Variants in KIAA1671 observed in about 807,000 individuals in gnomAD.
KIAA1671 encodes the protein uncharacterized protein KIAA1671.
A neutral mutation model predicts 131.2 loss-of-function variants in KIAA1671; 52 were observed. The observed-to-expected ratio is 0.40, with a 90% CI of 0.32 to 0.50. The LOEUF is 0.50. Ranked by LOEUF, KIAA1671 falls within the 20% of genes least tolerant of loss-of-function variation. The pLI is 0.73. For missense variants in KIAA1671, 2,360 were observed against 2,364.2 expected (o/e 1.00, Z 0.04); for synonymous variants, 1,003 against 961.6 (o/e 1.04, Z -0.80).
intron 6 of KIAA1671, chr22:25,063,907 A>G (rs1446847897): frequency 6.6e-6 from 1 of 152,158 alleles, no homozygotes; most frequent in East Asian, 1.9e-4. Context: ...TCCCATGACT[A>G]TCTTGTGACC....
intron 6 of KIAA1671, among the ~76,000 whole-genome samples, chr22:25,088,293 A>C (rs955652303): frequency 6.6e-6 from 1 of 152,044 alleles, no homozygotes; most frequent in African/African-American, 2.4e-5. Context: ...TTCTTAGTAG[A>C]GACAGGTTTC....
chr22:25,088,430 CACTT>C (rs1329067486), intron 6 of KIAA1671, among the ~76,000 whole-genome samples: 1 of 152,116 alleles, frequency 6.6e-6, no homozygotes, highest in Admixed American at 6.5e-5. Flanking sequence ...ATTCCTCAAA[CACTT>C]ACTGAGTACC....
chr22:25,041,386 G>T lies in KIAA1671; in HGVS notation c.4256G>T (p.Arg1419Leu), dbSNP rs1301717506. ...YSEKGPPANI[R>L]EGLSIMHEAR... is the part of the protein sequence containing the mutation. ...GAGAAGGGGCCCCCTGCCAACATCC[G>T]AGAGGGCCTGTCCATCATGCATGAA... Residue 1419 changes from arginine (R) to leucine (L), a missense_variant, in exon 5 of 13, where the codon CGA becomes CTA. Arg to Leu is a moderately radical substitution (Grantham distance 102). Transcript: ENST00000358431. 6.4e-7 allele frequency: 1 copy of T among 1,551,630 alleles called. No homozygotes were observed. Among genetic ancestry groups the T allele is most frequent in the African/African-American group, 1.4e-5 (1 of 73,040 alleles).
chr22:25,061,648 C>T (rs539317947), intron 6 of KIAA1671: 3 of 152,306 alleles, frequency 2.0e-5, no homozygotes, highest in South Asian at 2.1e-4. Context: ...CTGAAGAAAC[C>T]GAGGCACAGA....
intron 1 of KIAA1671, among the ~76,000 whole-genome samples, chr22:24,973,734 T>G (rs568299262): frequency 1.3e-5 from 2 of 152,240 alleles, no homozygotes; most frequent in East Asian, 3.9e-4. Context: ...TATCTAATAA[T>G]ATCTGTCTCT....
chr22:25,093,744 C>CTCTCTCTCTCTT (rs1930177633), intron 6 of KIAA1671, among the ~76,000 whole-genome samples: 4 of 104,960 alleles, frequency 3.8e-5, no homozygotes, highest in Admixed American at 1.8e-4. Context: ...CACACTCTCT[C>CTCTCTCTCTCTT]TCTCTCTCTC....
chr22:25,085,509 T>TC (rs150670577), intron 6 of KIAA1671, among the ~76,000 whole-genome samples: 39,185 of 144,842 alleles, frequency 0.27, 6,298 homozygotes, highest in Middle Eastern at 0.38. Context: ...GGCCCCCACC[T>TC]CCCCCCCCAT....
At chr22:24,958,334 A>G (rs1921827655) in intron 1 of KIAA1671, among the ~76,000 whole-genome samples, 1 of 152,064 alleles carries the variant, frequency 6.6e-6, no homozygotes, top group African/African-American at 2.4e-5. Flanking sequence ...AGCCTGGGCA[A>G]CATAGCGAGA....
In KIAA1671 at chr22:25,029,328, G is replaced by A. The variant is rs1199397023; in HGVS notation, c.1329G>A (p.Leu443=). The A allele has an allele frequency of 5.8e-6, 9 of 1,546,490 alleles. No individual in the cohort carries two copies. In the Admixed American group the frequency reaches 7.9e-5, roughly 14 times the overall value. Residue 443 remains leucine, a synonymous_variant, in exon 3 of 13, where the codon CTG becomes CTA. Transcript: ENST00000358431. Reference sequence around the variant, plus strand: ...GGAGTGTCAGGAAGTGCATCAGCCTGTTTCGGGAGGACAGCACCTTGGCCT... The same window carrying A: ...GGAGTGTCAGGAAGTGCATCAGCCTATTTCGGGAGGACAGCACCTTGGCCT... ...SRRSVRKCIS[L]FREDSTLALA...
At chr22:24,982,168 T>C (rs1211417520) in intron 1 of KIAA1671, among the ~76,000 whole-genome samples, 1 of 152,212 alleles carries the variant, frequency 6.6e-6, no homozygotes, top group Non-Finnish European at 1.5e-5. Context: ...CCCCACCTCA[T>C]TGTACTCAAA....
intron 6 of KIAA1671, among the ~76,000 whole-genome samples, chr22:25,164,398 G>A (rs887867942): frequency 9.9e-5 from 15 of 152,204 alleles, no homozygotes; most frequent in African/African-American, 3.4e-4. Context: ...GTCCGTCCAG[G>A]TGTACATTAC....
At chr22:25,186,738 T>G (rs150050730) in intron 11 of KIAA1671, among the ~76,000 whole-genome samples, 24 of 152,380 alleles carry the variant, frequency 1.6e-4, no homozygotes, top group African/African-American at 5.5e-4. Flanking sequence ...GGAGGCCAGA[T>G]GTACCTGGGA....
In KIAA1671 at chr22:25,041,078, G is replaced by A. The variant is rs1204192926; in HGVS notation, c.3948G>A (p.Ala1316=). 40 of 1,538,200 alleles carry A rather than the reference G, an allele frequency of 2.6e-5. No homozygotes were observed. In the East Asian group the frequency reaches 2.7e-4, roughly 10 times the overall value. The change falls in exon 5 of 13, where the codon GCG becomes GCA. Residue 1316 remains alanine (A), a synonymous_variant. Coordinates refer to ENST00000358431, the MANE Select transcript of KIAA1671 (RefSeq NM_001145206.2). The part of the protein sequence containing the change: ...ERYPGGSPIP[A]DPRKKTGFAE... ...ATCCAGGGGGCTCTCCTATACCTGCGGATCCCAGGAAAAAAACGGGGTTTG... is the reference window on the plus strand; with the variant it reads ...ATCCAGGGGGCTCTCCTATACCTGCAGATCCCAGGAAAAAAACGGGGTTTG...
rs1934766230 is a variant in KIAA1671 at position 25,194,562 on chromosome 22, G to A, written c.*2161G>A. 6.6e-6 allele frequency: 1 copy of A among 152,160 alleles called. No homozygotes were observed. Among genetic ancestry groups the A allele is most frequent in the South Asian group, 2.1e-4 (1 of 4,830 alleles). The allele number at this position is 152,160 out of a possible 1,614,324, so 9.4% of individuals were successfully genotyped here. Reference sequence around the variant, plus strand: ...GTCATGTCTCAGCTCAAGGATATCAGACAGGAATGAAACACACTTGAAAAT... The same window carrying A: ...GTCATGTCTCAGCTCAAGGATATCAAACAGGAATGAAACACACTTGAAAAT... On this transcript the variant is annotated 3_prime_UTR_variant, in exon 13 of 13. Transcript: ENST00000358431.
chr22:25,005,163 CATG>C (rs1432688955), intron 1 of KIAA1671, among the ~76,000 whole-genome samples: 3 of 151,006 alleles, frequency 2.0e-5, no homozygotes, highest in African/African-American at 2.4e-5. Context: ...TCCTGGCCAA[CATG>C]GTGAAACCCT....
At chr22:25,086,686 T>G (rs1227333193) in intron 6 of KIAA1671, among the ~76,000 whole-genome samples, 1 of 152,088 alleles carries the variant, frequency 6.6e-6, no homozygotes, top group African/African-American at 2.4e-5. Context: ...TGTTGTTCGG[T>G]CTGCACAGGT....
intron 8 of KIAA1671, chr22:25,176,549 T>C (rs1449486214): frequency 6.6e-6 from 1 of 152,222 alleles, no homozygotes; most frequent in Non-Finnish European, 1.5e-5. Flanking sequence ...ATCTCCTTTT[T>C]ATAAATAGGG....
intron 1 of KIAA1671, among the ~76,000 whole-genome samples, chr22:24,996,533 G>A (rs1924149406): frequency 6.6e-6 from 1 of 152,140 alleles, no homozygotes; most frequent in Non-Finnish European, 1.5e-5. Context: ...CCTAGAAGGA[G>A]AGCTTGAGAT....
At chr22:25,164,350 C>T (rs1256061637) in intron 6 of KIAA1671, among the ~76,000 whole-genome samples, 1 of 151,940 alleles carries the variant, frequency 6.6e-6, no homozygotes, top group African/African-American at 2.4e-5. Flanking sequence ...TCCATTTTCT[C>T]ATCTGAAAAG....
Sources: gnomAD v4.1 joint callset for allele counts (sites outside exome capture counted in the v4.1 genomes callset) on GRCh38, gnomAD v4.1.1 for gene constraint, MANE v1.5 for transcripts, NCBI Gene and HGNC (gene_info 2026-07-23, HGNC 2026-07-21) for gene names.